CPE: variants seen among roughly 807,000 people sequenced by gnomAD.
CPE encodes the protein carboxypeptidase E.
In CPE, 17 loss-of-function variants were observed where a neutral mutation model predicts 53.5. That is an observed-to-expected ratio of 0.32 (90% CI 0.22 to 0.48). The LOEUF (loss-of-function observed/expected upper bound fraction) is 0.48, where lower values mean the gene tolerates loss of function less well. CPE is among the 20% of genes least tolerant of loss of function. The pLI, the probability that CPE is intolerant of heterozygous loss-of-function variation, is 0.99. For missense variants in CPE, 524 were observed against 614.7 expected, an observed-to-expected ratio of 0.85 and a Z score of 1.56; for synonymous variants, 226 against 228.8, an observed-to-expected ratio of 0.99 and a Z score of 0.11.
intron 1 of CPE, among the ~76,000 whole-genome samples, chr4:165,453,447 T>A (rs1382747055): frequency 6.6e-6 from 1 of 151,444 alleles, no homozygotes; most frequent in Middle Eastern, 3.2e-3. Flanking sequence ...TGCAGTAGCA[T>A]GATCATGGCT....
chr4:165,482,344 G>A lies in CPE; in HGVS notation c.775G>A (p.Asp259Asn). ...AGACCTTGTGGCCAATTATCCATAT[G>A]ATGAGACGCGGAGTGGTAGGTATTC... ...GGDLVANYPY[D>N]ETRSGSAHEY... The change falls in exon 4 of 9, where the codon GAT becomes AAT. Residue 259 changes from aspartate to asparagine, a missense_variant. By Grantham distance (23) the Asp-to-Asn change is conservative (BLOSUM62 1). Coordinates refer to ENST00000402744, the MANE Select transcript of CPE (RefSeq NM_001873.4). The A allele has an allele frequency of 3.7e-6, 6 of 1,611,058 alleles. No homozygotes were observed. The highest frequency in any genetic ancestry group is 5.1e-6 in the Non-Finnish European group (6 of 1,177,236).
In CPE at chr4:165,402,609, G is replaced by A. The variant is rs116801363; in HGVS notation, c.307+23081G>A. Among the ~76,000 whole-genome samples, 502 of 152,212 alleles carry A rather than the reference G, an allele frequency of 3.3e-3. 3 individuals carry two copies. Among genetic ancestry groups the A allele is most frequent in the African/African-American group, 0.012 (483 of 41,526 alleles). On this transcript the variant is annotated intron_variant, in intron 1 of 8. Coordinates refer to ENST00000402744, the MANE Select transcript of CPE (RefSeq NM_001873.4). ...CTTACTCCCTTTCTCTCCATGTGAC[G>A]TGCATGCTCCTGCTTCTACCATGAG...
chr4:165,469,509 T>G (rs1035511472), intron 3 of CPE, among the ~76,000 whole-genome samples: 20 of 152,276 alleles, frequency 1.3e-4, no homozygotes, highest in African/African-American at 4.8e-4. Context: ...CTAACAATTT[T>G]ATGTCTTCAG....
chr4:165,455,271 C>T (rs993411280), intron 1 of CPE, among the ~76,000 whole-genome samples: 6 of 152,178 alleles, frequency 3.9e-5, no homozygotes, highest in Non-Finnish European at 8.8e-5. Context: ...AGTGTCACTT[C>T]GTTTACCTCT....
chr4:165,402,330 T>C (rs1351323371), intron 1 of CPE, among the ~76,000 whole-genome samples: 2 of 152,192 alleles, frequency 1.3e-5, no homozygotes, highest in African/African-American at 4.8e-5. Flanking sequence ...TTACACAGAA[T>C]TGTTGAGATG....
At chr4:165,490,776 G>C (rs1042695618) in intron 6 of CPE, among the ~76,000 whole-genome samples, 2 of 152,020 alleles carry the variant, frequency 1.3e-5, no homozygotes, top group Non-Finnish European at 2.9e-5. Context: ...TTTGCAGCAA[G>C]CTATCTGCGT....
intron 3 of CPE, among the ~76,000 whole-genome samples, chr4:165,481,098 C>T (rs1255628061): frequency 1.3e-5 from 2 of 148,844 alleles, no homozygotes; most frequent in African/African-American, 2.5e-5. Context: ...CTAAATCACA[C>T]TTTTCCACAG....
At chr4:165,392,636 A>G (rs1327759406) in intron 1 of CPE, among the ~76,000 whole-genome samples, 1 of 146,766 alleles carries the variant, frequency 6.8e-6, no homozygotes, top group Non-Finnish European at 1.5e-5. Context: ...TAATGATATT[A>G]TAAATATAAT....
intron 1 of CPE, among the ~76,000 whole-genome samples, chr4:165,452,100 A>C (rs1285316791): frequency 6.6e-6 from 1 of 152,250 alleles, no homozygotes; most frequent in Non-Finnish European, 1.5e-5. Context: ...TGCAAGAGCT[A>C]AAGTGGATCT....
chr4:165,412,987 C>G (rs966472393), intron 1 of CPE, among the ~76,000 whole-genome samples: 3 of 152,196 alleles, frequency 2.0e-5, no homozygotes, highest in African/African-American at 7.2e-5. Context: ...CAGACTTCTT[C>G]GCATGCGCTT....
At chr4:165,448,036 A>G (rs1302911966) in intron 1 of CPE, among the ~76,000 whole-genome samples, 1 of 152,196 alleles carries the variant, frequency 6.6e-6, no homozygotes, top group Non-Finnish European at 1.5e-5. Flanking sequence ...GTATATATAC[A>G]TATGTACATA....
chr4:165,491,690 T>G (rs1156735228), intron 6 of CPE, among the ~76,000 whole-genome samples: 2 of 152,208 alleles, frequency 1.3e-5, no homozygotes, highest in Non-Finnish European at 2.9e-5. Context: ...TTTGCAACAT[T>G]AAAAAATTAC....
At chr4:165,436,969 G>A (rs1476131312) in intron 1 of CPE, among the ~76,000 whole-genome samples, 1 of 152,246 alleles carries the variant, frequency 6.6e-6, no homozygotes, top group South Asian at 2.1e-4. Flanking sequence ...ATGTGCATAA[G>A]CACAGGAGAC....
At chr4:165,480,802 T>C (rs1732392945) in intron 3 of CPE, among the ~76,000 whole-genome samples, 1 of 152,062 alleles carries the variant, frequency 6.6e-6, no homozygotes, top group African/African-American at 2.4e-5. Flanking sequence ...GTTCATTATC[T>C]GTTTTCAAGC....
intron 3 of CPE, among the ~76,000 whole-genome samples, chr4:165,481,805 T>A (rs528890701): frequency 6.6e-6 from 1 of 152,250 alleles, no homozygotes; most frequent in Non-Finnish European, 1.5e-5. Context: ...AAATAAACTT[T>A]ACCACATGTT....
At chr4:165,444,298 T>G (rs1007254801) in intron 1 of CPE, among the ~76,000 whole-genome samples, 2 of 152,112 alleles carry the variant, frequency 1.3e-5, no homozygotes, top group Admixed American at 1.3e-4. Flanking sequence ...AAGCTTGCAT[T>G]TTTAACCATT....
intron 1 of CPE, among the ~76,000 whole-genome samples, chr4:165,447,656 T>G (rs975945528): frequency 1.3e-5 from 2 of 152,144 alleles, no homozygotes; most frequent in African/African-American, 2.4e-5. Flanking sequence ...ACAGTAACTT[T>G]TTTTACATTA....
At chr4:165,439,229 A>G (rs75788175) in intron 1 of CPE, among the ~76,000 whole-genome samples, 5,986 of 152,320 alleles carry the variant, frequency 0.039, 390 homozygotes, top group African/African-American at 0.13. Flanking sequence ...CAAAACAAGA[A>G]TAACAACGTA....
chr4:165,468,906 G>A (rs1189539407), intron 3 of CPE, among the ~76,000 whole-genome samples: 4 of 152,216 alleles, frequency 2.6e-5, no homozygotes. Flanking sequence ...GACTCTAGAG[G>A]TAACCACCTT....
Sources: allele counts gnomAD v4.1 joint callset (sites outside exome capture counted in the v4.1 genomes callset), GRCh38; gene constraint gnomAD v4.1.1; transcripts MANE v1.5; gene names NCBI Gene and HGNC (gene_info 2026-07-23, HGNC 2026-07-21).